PRKCI: variants seen among roughly 807,000 people sequenced by gnomAD.
PRKCI encodes protein kinase C iota type.
Under a neutral mutation model 84.0 loss-of-function variants are expected in PRKCI, and 43 were observed. The ratio of observed to expected loss-of-function variants is 0.51; its 90% CI spans 0.40 to 0.66. PRKCI has a LOEUF of 0.66. Among genes scored for constraint, PRKCI ranks in the 30% least tolerant of loss-of-function variants. The pLI is 0.00. For missense variants in PRKCI, 459 were observed against 745.6 expected (o/e 0.62, Z 4.48); for synonymous variants, 216 against 234.4 (o/e 0.92, Z 0.72).
intron 7 of PRKCI, among the ~76,000 whole-genome samples, chr3:170,273,578 G>A (rs1047928140): frequency 6.6e-6 from 1 of 152,022 alleles, no homozygotes; most frequent in Admixed American, 6.6e-5. Context: ...ACTTTGGGAG[G>A]CTGAGGCAGG....
At chr3:170,268,041 A>ATTT in intron 5 of PRKCI, 41 bp downstream of exon 5, 1 of 1,491,324 alleles carries the variant, frequency 6.7e-7, no homozygotes, top group Non-Finnish European at 9.3e-7. Flanking sequence ...TGAAACAGCT[A>ATTT]TTTTTTCCCT....
intron 2 of PRKCI, among the ~76,000 whole-genome samples, chr3:170,236,780 G>A (rs755339908): frequency 2.0e-5 from 3 of 150,252 alleles, no homozygotes; most frequent in Non-Finnish European, 2.9e-5. Flanking sequence ...AAGATTGCTC[G>A]AGCCTGGAAG....
At chr3:170,300,683 A>ATTTTTTTTTTTTTT (rs201572419) in intron 17 of PRKCI, among the ~76,000 whole-genome samples, 1 of 138,338 alleles carries the variant, frequency 7.2e-6, no homozygotes, top group Non-Finnish European at 1.6e-5. Flanking sequence ...ATTGTCTTGA[A>ATTTTTTTTTTTTTT]TTTTTTTTTT....
At position 170,222,779 on chromosome 3, in the gene PRKCI, C is replaced by G; in HGVS notation, c.101+9C>G. The G allele has an allele frequency of 6.3e-7, 1 of 1,592,906 alleles. No homozygotes were observed. Among genetic ancestry groups the G allele is most frequent in the South Asian group, 1.1e-5 (1 of 89,648 alleles). On this transcript the variant is annotated intron_variant, in intron 1 of 17. Coordinates refer to ENST00000295797, the MANE Select transcript of PRKCI (RefSeq NM_002740.6). ...AAAGCCTACTACCGCGGGTGAGTGT[C>G]CTGGGACAGGGCGGTGGGCGGGAGG...
intron 17 of PRKCI, among the ~76,000 whole-genome samples, 153 bp downstream of exon 17, chr3:170,299,263 G>A (rs1734764839): frequency 6.6e-6 from 1 of 152,100 alleles, no homozygotes; most frequent in African/African-American, 2.4e-5. Flanking sequence ...GTCTCGCTCT[G>A]TTGCCCAGGC....
chr3:170,261,258 C>T (rs983703026), intron 3 of PRKCI, among the ~76,000 whole-genome samples: 13 of 151,776 alleles, frequency 8.6e-5, no homozygotes, highest in African/African-American at 2.9e-4. Context: ...AACCACCATG[C>T]CCAGCCAAGA....
chr3:170,281,429 G>T (rs527973006), intron 10 of PRKCI, 166 bp downstream of exon 10: 11 of 588,754 alleles, frequency 1.9e-5, no homozygotes, highest in African/African-American at 1.9e-4. Flanking sequence ...ATATCAGTTT[G>T]ATATTAGATC....
At chr3:170,295,514 C>G (rs1734668015) in intron 14 of PRKCI, among the ~76,000 whole-genome samples, 1 of 151,734 alleles carries the variant, frequency 6.6e-6, no homozygotes, top group African/African-American at 2.4e-5. Flanking sequence ...CCATCTCTAC[C>G]AAAAACACAA....
Position 170,305,747 on chromosome 3 carries a change from G to A in PRKCI, c.*2620G>A, listed in dbSNP as rs2108871135. 3 of 152,210 alleles carry A rather than the reference G, an allele frequency of 2.0e-5. No homozygotes were observed. The highest frequency in any genetic ancestry group is 2.0e-4 in the Admixed American group (3 of 15,284). The allele number at this position is 152,210 out of a possible 1,614,324, so 9.4% of individuals were successfully genotyped here. Reference sequence around the variant, plus strand: ...GACAGTCAGAATGGTTGGAATTTTGGCTTTCTAAGAAAAACTTTATTTTGC... The same window carrying A: ...GACAGTCAGAATGGTTGGAATTTTGACTTTCTAAGAAAAACTTTATTTTGC... On this transcript the variant is annotated 3_prime_UTR_variant, in exon 18 of 18. Coordinates refer to ENST00000295797, the MANE Select transcript of PRKCI (RefSeq NM_002740.6).
chr3:170,292,900 G>A (rs1168785709), intron 13 of PRKCI, among the ~76,000 whole-genome samples: 2 of 149,834 alleles, frequency 1.3e-5, no homozygotes, highest in African/African-American at 4.9e-5. Context: ...AATTAGCCGG[G>A]CGTGTTCACA....
intron 12 of PRKCI, 65 bp from the exon 13 acceptor site, chr3:170,291,776 TGATAGGTGAAATA>T: frequency 1.8e-6 from 2 of 1,100,480 alleles, no homozygotes; most frequent in Non-Finnish European, 2.8e-6. Context: ...TGAACTTATA[TGATAGGTGAAATA>T]GAAAGGGTGA....
Position 170,295,970 on chromosome 3 carries a change from CT to C in PRKCI, c.1478del (p.Leu493ArgfsTer37). The C allele has an allele frequency of 6.4e-7, 1 of 1,554,408 alleles. No homozygotes were observed. The highest frequency in any genetic ancestry group is 8.7e-7 in the Non-Finnish European group (1 of 1,144,022). ...TCTGTCTGTAAAAGCTGCAAGTGTT[CT>C]GAAGAGTTTTCTTAATAAGGTATAA... is the stretch of plus-strand genomic sequence containing the variant. ...RSLSVKAASV[L>X]KSFLNKDPKE... On this transcript the variant is annotated frameshift_variant, in exon 15 of 18. Coordinates refer to ENST00000295797, the MANE Select transcript of PRKCI (RefSeq NM_002740.6). LOFTEE classifies it high-confidence loss of function.
intron 1 of PRKCI, among the ~76,000 whole-genome samples, chr3:170,229,280 A>G (rs1316765369): frequency 6.6e-6 from 1 of 152,048 alleles, no homozygotes; most frequent in Non-Finnish European, 1.5e-5. Context: ...GGGTAGACAG[A>G]CCTCTTTATA....
At chr3:170,228,585 A>G (rs568769000) in intron 1 of PRKCI, among the ~76,000 whole-genome samples, 1 of 149,970 alleles carries the variant, frequency 6.7e-6, no homozygotes, top group Non-Finnish European at 1.5e-5. Flanking sequence ...ACACACACAC[A>G]GACATACACA....
chr3:170,245,056 A>C (rs1195668288), intron 2 of PRKCI, among the ~76,000 whole-genome samples: 11 of 151,828 alleles, frequency 7.2e-5, no homozygotes, highest in Admixed American at 4.0e-4. Flanking sequence ...GGGGAATGCA[A>C]AACAGTTGTT....
chr3:170,225,334 G>A (rs375638549), intron 1 of PRKCI, among the ~76,000 whole-genome samples: 28 of 152,228 alleles, frequency 1.8e-4, no homozygotes, highest in East Asian at 1.3e-3. Context: ...TGATGATTGT[G>A]GTATTACATA....
intron 2 of PRKCI, among the ~76,000 whole-genome samples, chr3:170,250,649 C>T (rs1214413240): frequency 6.6e-6 from 1 of 151,988 alleles, no homozygotes; most frequent in African/African-American, 2.4e-5. Context: ...TTTATTTATC[C>T]ATTTATCAAT....
At chr3:170,267,410 A>C (rs749251088) in intron 4 of PRKCI, among the ~76,000 whole-genome samples, 1 of 152,118 alleles carries the variant, frequency 6.6e-6, no homozygotes, top group South Asian at 2.1e-4. Flanking sequence ...GCGTTGGCTC[A>C]CGCCTGTAAT....
intron 1 of PRKCI, among the ~76,000 whole-genome samples, chr3:170,228,345 A>T (rs982557451): frequency 6.6e-6 from 1 of 152,222 alleles, no homozygotes; most frequent in Non-Finnish European, 1.5e-5. Flanking sequence ...CATGCCTGTA[A>T]TCCCAGCACT....
Sources: allele counts gnomAD v4.1 joint callset (sites outside exome capture counted in the v4.1 genomes callset), GRCh38; gene constraint gnomAD v4.1.1; transcripts MANE v1.5; gene names NCBI Gene and HGNC (gene_info 2026-07-23, HGNC 2026-07-21).